Variants in AGBL1 observed in about 807,000 individuals in gnomAD.
AGBL1 encodes the protein AGBL carboxypeptidase 1, also known as cytosolic carboxypeptidase 4.
In AGBL1, 130 loss-of-function variants were observed where a neutral mutation model predicts 118.9. That is an observed-to-expected ratio of 1.09 (90% CI 0.95 to 1.26). AGBL1 has a LOEUF of 1.26. AGBL1 is among the 50% of genes most tolerant of loss of function. The pLI, the probability that AGBL1 is intolerant of heterozygous loss-of-function variation, is 0.00. For synonymous variants in AGBL1, 555 were observed against 478.9 expected, an observed-to-expected ratio of 1.16 and a Z score of -2.08; for missense variants, 1,584 against 1,298.1, an observed-to-expected ratio of 1.22 and a Z score of -3.38.
chr15:86,469,144 C>G (rs1247409462), intron 18 of AGBL1, among the ~76,000 whole-genome samples: 2 of 152,122 alleles, frequency 1.3e-5, no homozygotes, highest in Non-Finnish European at 2.9e-5. Context: ...TTATTATTAA[C>G]TATAGGCACC....
intron 18 of AGBL1, among the ~76,000 whole-genome samples, chr15:86,448,161 A>G (rs374330550): frequency 1.5e-3 from 228 of 152,264 alleles, no homozygotes; most frequent in Non-Finnish European, 3.0e-3. Context: ...AAAAAATAAG[A>G]AGTATCGAAA....
At chr15:86,350,138 G>A (rs1007777065) in intron 17 of AGBL1, among the ~76,000 whole-genome samples, 2 of 152,184 alleles carry the variant, frequency 1.3e-5, no homozygotes, top group African/African-American at 4.8e-5. Context: ...TCATGGATGA[G>A]GGAGTAATGC....
intron 19 of AGBL1, among the ~76,000 whole-genome samples, chr15:86,534,226 C>T (rs2083391420): frequency 6.6e-6 from 1 of 150,608 alleles, no homozygotes; most frequent in Non-Finnish European, 1.5e-5. Context: ...AAATAGTAAG[C>T]ACTGTAACAA....
intron 5 of AGBL1, among the ~76,000 whole-genome samples, chr15:86,182,287 C>T (rs1345407946): frequency 6.6e-6 from 1 of 151,962 alleles, no homozygotes; most frequent in Non-Finnish European, 1.5e-5. Context: ...CCCTTCCTCT[C>T]TTCTTCCCTT....
At chr15:86,139,377 G>A (rs2076931063) in intron 1 of AGBL1, among the ~76,000 whole-genome samples, 1 of 152,092 alleles carries the variant, frequency 6.6e-6, no homozygotes, top group South Asian at 2.1e-4. Flanking sequence ...ATAGGATTTG[G>A]CACCACCCCG....
intron 24 of AGBL1, among the ~76,000 whole-genome samples, chr15:87,027,278 C>A (rs966990439): frequency 1.3e-5 from 2 of 151,890 alleles, no homozygotes; most frequent in Non-Finnish European, 2.9e-5. Flanking sequence ...AGTTAAAAAA[C>A]AACAGATGCT....
At chr15:86,880,681 G>A (rs756006793) in intron 22 of AGBL1, among the ~76,000 whole-genome samples, 2 of 152,118 alleles carry the variant, frequency 1.3e-5, no homozygotes, top group Non-Finnish European at 2.9e-5. Context: ...GTGTGGATGT[G>A]AGTGTGTACA....
intron 21 of AGBL1, among the ~76,000 whole-genome samples, chr15:86,669,150 A>G (rs933062410): frequency 6.6e-6 from 1 of 152,168 alleles, no homozygotes; most frequent in African/African-American, 2.4e-5. Context: ...TTGAGCAAAC[A>G]GGACTACACT....
intron 6 of AGBL1, among the ~76,000 whole-genome samples, chr15:86,236,789 C>T (rs2078551042): frequency 6.6e-6 from 1 of 151,824 alleles, no homozygotes. Context: ...GAGGGGGTAT[C>T]TGATTTGCAT....
intron 16 of AGBL1, among the ~76,000 whole-genome samples, chr15:86,293,679 C>G (rs889946684): frequency 4.6e-5 from 7 of 152,198 alleles, no homozygotes; most frequent in African/African-American, 1.7e-4. Context: ...ATTCTTCTTA[C>G]CATATCTGTA....
chr15:86,522,542 T>G (rs2083202999), intron 18 of AGBL1, among the ~76,000 whole-genome samples: 1 of 152,216 alleles, frequency 6.6e-6, no homozygotes, highest in Non-Finnish European at 1.5e-5. Context: ...GGGAACTACA[T>G]TTTCCAACTT....
At chr15:86,680,362 C>A (rs894619504) in intron 22 of AGBL1, among the ~76,000 whole-genome samples, 1 of 151,922 alleles carries the variant, frequency 6.6e-6, no homozygotes, top group African/African-American at 2.4e-5. Context: ...CATATTAATA[C>A]ATATGTGAAT....
At chr15:86,316,284 C>A (rs980780646) in intron 17 of AGBL1, among the ~76,000 whole-genome samples, 1 of 152,198 alleles carries the variant, frequency 6.6e-6, no homozygotes, top group Non-Finnish European at 1.5e-5. Context: ...GTGAAAGGCT[C>A]TTCCAGAGGC....
At chr15:86,847,766 T>G (rs1340684798) in intron 22 of AGBL1, among the ~76,000 whole-genome samples, 1 of 152,148 alleles carries the variant, frequency 6.6e-6, no homozygotes, top group Non-Finnish European at 1.5e-5. Context: ...AGTCAGACAG[T>G]GATGTGTGGA....
chr15:86,299,343 T>C (rs1310449543), intron 17 of AGBL1, among the ~76,000 whole-genome samples: 1 of 152,060 alleles, frequency 6.6e-6, no homozygotes, highest in Non-Finnish European at 1.5e-5. Flanking sequence ...GCAGGGAACC[T>C]TTACAAAAGG....
intron 23 of AGBL1, among the ~76,000 whole-genome samples, chr15:86,959,735 C>A (rs1252659438): frequency 6.6e-6 from 1 of 152,052 alleles, no homozygotes; most frequent in Non-Finnish European, 1.5e-5. Context: ...ACACATTCAT[C>A]TCTGTGCTCA....
Position 86,899,809 on chromosome 15 carries a change from T to C in AGBL1, c.3159-7278T>C, listed in dbSNP as rs114163394. Among the ~76,000 whole-genome samples, 1,449 of 152,232 alleles carry C rather than the reference T, an allele frequency of 9.5e-3. 23 individuals carry two copies. Among genetic ancestry groups the C allele is most frequent in the African/African-American group, 0.033 (1,354 of 41,540 alleles). On this transcript the variant is annotated intron_variant, in intron 22 of 22. Transcript: ENST00000614907. ...TGTGATGCATATTGTGAGTGTTAAC[T>C]TGATTGGATTGAAGGATGCGACATA... is the stretch of plus-strand genomic sequence containing the variant.
At chr15:86,518,842 G>T (rs938208410) in intron 18 of AGBL1, among the ~76,000 whole-genome samples, 1 of 151,552 alleles carries the variant, frequency 6.6e-6, no homozygotes, top group Non-Finnish European at 1.5e-5. Context: ...GTGTGCATTT[G>T]TTGAGAGAGT....
chr15:86,181,272 A>G (rs1193251697), intron 5 of AGBL1, among the ~76,000 whole-genome samples: 1 of 152,128 alleles, frequency 6.6e-6, no homozygotes, highest in Non-Finnish European at 1.5e-5. Flanking sequence ...AACAATCCTT[A>G]CATGTATCAA....
Sources: gnomAD v4.1 joint callset for allele counts (sites outside exome capture counted in the v4.1 genomes callset) on GRCh38, gnomAD v4.1.1 for gene constraint, MANE v1.5 for transcripts, NCBI Gene and HGNC (gene_info 2026-07-23, HGNC 2026-07-21) for gene names.